Variants in PCDHGB7 observed in about 807,000 individuals in gnomAD.
PCDHGB7 encodes protocadherin gamma subfamily B, 7, also known as protocadherin gamma-B7.
In PCDHGB7, 37 loss-of-function variants were observed where a neutral mutation model predicts 61.4. The ratio of observed to expected loss-of-function variants is 0.60; its 90% CI spans 0.46 to 0.79. The LOEUF is 0.79. PCDHGB7 is among the 30% of genes least tolerant of loss of function. PCDHGB7 has a pLI of 0.00. For synonymous variants in PCDHGB7, 464 were observed against 503.5 expected (o/e 0.92, Z 1.05); for missense variants, 1,166 against 1,202.5 (o/e 0.97, Z 0.45).
At chr5:141,447,149 T>C (rs2098528211) in intron 1 of PCDHGB7, among the ~76,000 whole-genome samples, 1 of 152,212 alleles carries the variant, frequency 6.6e-6, no homozygotes, top group African/African-American at 2.4e-5. Flanking sequence ...TTTGTTTTTG[T>C]TTTTGTTTAA....
At chr5:141,438,210 A>G (rs1228726792) in intron 1 of PCDHGB7, among the ~76,000 whole-genome samples, 2 of 152,188 alleles carry the variant, frequency 1.3e-5, no homozygotes, top group Non-Finnish European at 2.9e-5. Flanking sequence ...ACCATATGGG[A>G]AGGGCTCTGG....
intron 2 of PCDHGB7, among the ~76,000 whole-genome samples, chr5:141,503,398 C>A (rs1374324008): frequency 6.6e-6 from 1 of 151,784 alleles, no homozygotes; most frequent in African/African-American, 2.4e-5. Flanking sequence ...AGTTCGAAAC[C>A]AACCTGGCCA....
intron 1 of PCDHGB7, chr5:141,427,624 C>T (rs2097051687): frequency 1.4e-6 from 1 of 698,516 alleles, no homozygotes; most frequent in South Asian, 1.5e-5. Context: ...AACGACAATG[C>T]TCCGGTTTTC....
chr5:141,427,683 G>T, intron 1 of PCDHGB7: 1 of 836,052 alleles, frequency 1.2e-6, no homozygotes, highest in African/African-American at 1.7e-5. Context: ...CCTTCCCGGA[G>T]CCTCCATCCC....
Position 141,489,897 on chromosome 5 carries a change from C to G in PCDHGB7, c.2416-4910C>G. ...TGCTTACTGCTGTGGATGGGGGGAC[C>G]CCAGCCCGCTCAGGGACCACCCTTA... is the stretch of plus-strand genomic sequence containing the variant. On this transcript the variant is annotated intron_variant, in intron 1 of 3. Transcript: ENST00000398594. This position sits in a 1 kb window ranked among gnomAD's most constrained non-coding sequence, Gnocchi z 4.5. 1 of 1,614,162 alleles carries G rather than the reference C, an allele frequency of 6.2e-7. No individual in the cohort carries two copies. Among genetic ancestry groups the G allele is most frequent in the Non-Finnish European group, 8.5e-7 (1 of 1,180,016 alleles).
In PCDHGB7 at chr5:141,430,843, C is replaced by T. The variant is rs1370427603; in HGVS notation, c.2415+10569C>T. 2.6e-6 allele frequency: 4 copies of T among 1,568,356 alleles called. No homozygotes were observed. The African/African-American group carries it at 4.1e-5, about 16-fold the overall frequency. On this transcript the variant is annotated intron_variant, in intron 1 of 3. Coordinates refer to ENST00000398594, the MANE Select transcript of PCDHGB7 (RefSeq NM_018927.4). ...TGGGGACTCTGTGGGAGACCGGATG[C>T]ACCCAGATACGCTATTCAGTTCCGG...
chr5:141,465,627 A>C lies in PCDHGB7; in HGVS notation c.2416-29180A>C, dbSNP rs370355596. 1.1e-4 allele frequency among the ~76,000 whole-genome samples: 17 copies of C among 152,326 alleles called. 1 individual carries two copies. The South Asian group carries it at 3.3e-3, about 30-fold the overall frequency. On this transcript the variant is annotated intron_variant, in intron 1 of 3. Coordinates refer to ENST00000398594, the MANE Select transcript of PCDHGB7 (RefSeq NM_018927.4). ...TCTTTGGCCCTCCAGGAAGTCAACCAGCAAAATGCTTTGAACATCCCAAAA... is the reference window on the plus strand; with the variant it reads ...TCTTTGGCCCTCCAGGAAGTCAACCCGCAAAATGCTTTGAACATCCCAAAA...
intron 1 of PCDHGB7, among the ~76,000 whole-genome samples, chr5:141,443,858 T>C (rs1325927807): frequency 6.6e-6 from 1 of 152,162 alleles, no homozygotes; most frequent in Non-Finnish European, 1.5e-5. Context: ...GTCTGAAAAC[T>C]GAAAAAATTA....
At position 141,450,007 on chromosome 5, in the gene PCDHGB7, T is replaced by TA. The variant is rs57702245; in HGVS notation, c.2415+29733_2415+29734insA. Among the ~76,000 whole-genome samples the TA allele has an allele frequency of 5.9e-4, 19 of 31,956 alleles. No homozygotes were observed. In the African/African-American group the frequency reaches 7.8e-3, roughly 13 times the overall value. 21.0% of individuals were successfully genotyped at this position (31,956 alleles called of 152,430 possible). A position where few individuals can be genotyped will look rare whatever the true frequency, so the allele number is the denominator to read the frequency against. On this transcript the variant is annotated intron_variant, in intron 1 of 3. Coordinates refer to ENST00000398594, the MANE Select transcript of PCDHGB7 (RefSeq NM_018927.4). Reference sequence around the variant, plus strand: ...ACATTGCATTTAGTTGCCATGTCTCTTTTTTTTTTTTTTTTTTGAGACAGG... The same window carrying TA: ...ACATTGCATTTAGTTGCCATGTCTCTATTTTTTTTTTTTTTTTTGAGACAGG...
rs558944208 is a variant in PCDHGB7, at chr5:141,478,187, A to G, written c.2416-16620A>G. On this transcript the variant is annotated intron_variant, in intron 1 of 3. Coordinates refer to ENST00000398594, the MANE Select transcript of PCDHGB7 (RefSeq NM_018927.4). ...CCCCCGGGAGCAGAAAAAAAATCTC[A>G]CCTTTTATCTACTTCTTTCTCTAAT... is the stretch of plus-strand genomic sequence containing the variant. The G allele has an allele frequency of 2.9e-5, 46 of 1,613,548 alleles. No individual in the cohort carries two copies. The highest frequency in any genetic ancestry group is 3.9e-5 in the Non-Finnish European group (46 of 1,179,954).
At chr5:141,459,315 T>C (rs2154566534) in intron 1 of PCDHGB7, among the ~76,000 whole-genome samples, 1 of 152,362 alleles carries the variant, frequency 6.6e-6, no homozygotes, top group East Asian at 1.9e-4. Context: ...CTATTTTGTA[T>C]CCATCTTCTT....
At position 141,476,209 on chromosome 5, in the gene PCDHGB7, G is replaced by A. The variant is rs749576231; in HGVS notation, c.2416-18598G>A. ...TTGGTGCCTTGAACAAGGCTTCCAC[G>A]GTCATTCACTATGAGATCCCGGAGG... On this transcript the variant is annotated intron_variant, in intron 1 of 3. Coordinates refer to ENST00000398594, the MANE Select transcript of PCDHGB7 (RefSeq NM_018927.4). The surrounding 1 kb of genome is among the most constrained non-coding windows in gnomAD (Gnocchi z 7.6). The A allele has an allele frequency of 3.1e-6, 5 of 1,613,974 alleles. No individual in the cohort carries two copies. Among genetic ancestry groups the A allele is most frequent in the Admixed American group, 1.7e-5 (1 of 60,014 alleles).
At chr5:141,433,767 G>A (rs1237334342) in intron 1 of PCDHGB7, among the ~76,000 whole-genome samples, 1 of 151,532 alleles carries the variant, frequency 6.6e-6, no homozygotes, top group East Asian at 1.9e-4. Flanking sequence ...AACCTGGGAG[G>A]TGGAGGTTGC....
rs17097297 is a variant in PCDHGB7 at position 141,426,366 on chromosome 5, G to C, written c.2415+6092G>C. 737 of 204,832 alleles carry C rather than the reference G, an allele frequency of 3.6e-3. 4 individuals are homozygous for C. The highest frequency in any genetic ancestry group is 0.015 in the African/African-American group (666 of 43,954). 12.7% of individuals were successfully genotyped at this position (204,832 alleles called of 1,614,324 possible). Reference sequence around the variant, plus strand: ...CTTTCCTGCTGCCTTTGTTCTGCGGGGCACCCTCGGAGCAGATCCGCTACT... The same window carrying C: ...CTTTCCTGCTGCCTTTGTTCTGCGGCGCACCCTCGGAGCAGATCCGCTACT... On this transcript the variant is annotated intron_variant, in intron 1 of 3. Transcript: ENST00000398594.
Position 141,449,530 on chromosome 5 carries a change from A to G in PCDHGB7, c.2415+29256A>G, listed in dbSNP as rs2098641850. On this transcript the variant is annotated intron_variant, in intron 1 of 3. Transcript: ENST00000398594. ...CTTGAACCTGGGAGGCGGAGGTTGC[A>G]GTGAGCCGAGATCGCACCACTGCAC... Among the ~76,000 whole-genome samples, 4 of 149,684 alleles carry G rather than the reference A, an allele frequency of 2.7e-5. No individual in the cohort carries two copies. The South Asian group carries it at 8.5e-4, about 32-fold the overall frequency.
chr5:141,441,885 CA>C, intron 1 of PCDHGB7: 1 of 345,036 alleles, frequency 2.9e-6, no homozygotes. Context: ...ACCTGGTCAC[CA>C]AGGTGGTGGC....
chr5:141,423,943 G>GA, intron 1 of PCDHGB7: 1 of 1,211,382 alleles, frequency 8.3e-7, no homozygotes, highest in Non-Finnish European at 1.0e-6. Flanking sequence ...GAAGTAAGTT[G>GA]AATTTTAGTA....
intron 1 of PCDHGB7, among the ~76,000 whole-genome samples, chr5:141,467,707 G>A (rs1203906639): frequency 6.6e-6 from 1 of 152,140 alleles, no homozygotes; most frequent in Non-Finnish European, 1.5e-5. Flanking sequence ...TGTTGCCCAG[G>A]CTGGAGTGTA....
chr5:141,421,383 C>A lies in PCDHGB7; in HGVS notation c.2415+1109C>A, dbSNP rs754951142. The A allele has an allele frequency of 2.5e-6, 4 of 1,614,034 alleles. 1 individual carries two copies. The highest frequency in any genetic ancestry group is 8.5e-7 in the Non-Finnish European group (1 of 1,179,910). On this transcript the variant is annotated intron_variant, in intron 1 of 3. Transcript: ENST00000398594. ...CCTTCGTGGGCAATATCTCCAAGGA[C>A]CTGGGGCTGGAGCCCCGGGAGCTGG...
Sources: allele counts gnomAD v4.1 joint callset (sites outside exome capture counted in the v4.1 genomes callset), GRCh38; gene constraint gnomAD v4.1.1; non-coding constraint Gnocchi (gnomAD v3.1); transcripts MANE v1.5; gene names NCBI Gene and HGNC (gene_info 2026-07-23, HGNC 2026-07-21).